The following FUT8 variants were observed in gnomAD, a reference collection of about 807,000 sequenced individuals.
FUT8 encodes the protein alpha-(1,6)-fucosyltransferase.
A neutral mutation model predicts 71.3 loss-of-function variants in FUT8; 29 were observed. The ratio of observed to expected loss-of-function variants is 0.41; its 90% CI spans 0.30 to 0.55. The LOEUF (loss-of-function observed/expected upper bound fraction) is 0.55, where lower values mean the gene tolerates loss of function less well. Ranked by LOEUF, FUT8 falls within the 20% of genes least tolerant of loss-of-function variation. The pLI, the probability that FUT8 is intolerant of heterozygous loss-of-function variation, is 0.34. For synonymous variants in FUT8, 254 were observed against 239.3 expected (o/e 1.06, Z -0.57); for missense variants, 544 against 702.1 (o/e 0.77, Z 2.55).
the FUT8 span, among the ~76,000 whole-genome samples, chr14:65,373,231 C>G: frequency 6.6e-6 from 1 of 151,558 alleles, no homozygotes; most frequent in African/African-American, 2.4e-5. Context: ...GAGGGCTCCA[C>G]CCTCAAGCTT....
At chr14:65,383,886 A>G in the FUT8 span, among the ~76,000 whole-genome samples, 1 of 151,344 alleles carries the variant, frequency 6.6e-6, no homozygotes, top group Non-Finnish European at 1.5e-5. Context: ...CCTAGGCCCA[A>G]AGGTCCCATG....
chr14:65,374,217 C>T, the FUT8 span, among the ~76,000 whole-genome samples: 1 of 152,140 alleles, frequency 6.6e-6, no homozygotes, highest in African/African-American at 2.4e-5. Context: ...AATTTCTTTG[C>T]TGAGTTTGTT....
At chr14:65,636,922 T>G (rs1890586450) in intron 6 of FUT8, among the ~76,000 whole-genome samples, 1 of 152,190 alleles carries the variant, frequency 6.6e-6, no homozygotes, top group South Asian at 2.1e-4. Context: ...ATTATAATAC[T>G]CGGATTGAAG....
At position 65,603,079 on chromosome 14, in the gene FUT8, T is replaced by G. The variant is rs1259048843; in HGVS notation, c.204-12899T>G. ...TAAGCCAATGTCTAGAAGGATTTTTTCCGATGTTATTTTCTAGATTTTTTT... is the reference window on the plus strand; with the variant it reads ...TAAGCCAATGTCTAGAAGGATTTTTGCCGATGTTATTTTCTAGATTTTTTT... On this transcript the variant is annotated intron_variant, in intron 3 of 10. Transcript: ENST00000673929. This position sits in a 1 kb window ranked among gnomAD's most constrained non-coding sequence, Gnocchi z 4.5. Among the ~76,000 whole-genome samples, 1 of 151,990 alleles carries G rather than the reference T, an allele frequency of 6.6e-6. No individual in the cohort carries two copies. The highest frequency in any genetic ancestry group is 1.5e-5 in the Non-Finnish European group (1 of 67,960).
intron 5 of FUT8, among the ~76,000 whole-genome samples, chr14:65,621,992 T>C (rs919706245): frequency 6.6e-6 from 1 of 151,932 alleles, no homozygotes; most frequent in Non-Finnish European, 1.5e-5. Context: ...CCTGGCTAAT[T>C]TTCATATTTT....
chr14:65,394,271 T>C, the FUT8 span, among the ~76,000 whole-genome samples: 126 of 152,142 alleles, frequency 8.3e-4, no homozygotes, highest in Non-Finnish European at 1.5e-3. Context: ...GGGTTTCCCC[T>C]TATAAAACCA....
chr14:65,489,014 A>T lies in FUT8; in HGVS notation c.-228+33296A>T, dbSNP rs556487081. ...ATAACTATGGAAAATATATTTGATT[A>T]GTTACATGAGGCTCTCATGGTAAAT... On this transcript the variant is annotated intron_variant, in intron 2 of 10. Coordinates refer to ENST00000673929, the MANE Select transcript of FUT8 (RefSeq NM_001371533.1). This position sits in a 1 kb window ranked among gnomAD's most constrained non-coding sequence, Gnocchi z 4.0. 6.1e-4 allele frequency among the ~76,000 whole-genome samples: 93 copies of T among 152,334 alleles called. No individual in the cohort carries two copies. Among genetic ancestry groups the T allele is most frequent in the African/African-American group, 2.1e-3 (87 of 41,578 alleles).
intron 3 of FUT8, among the ~76,000 whole-genome samples, chr14:65,562,860 T>A (rs1885986207): frequency 6.6e-6 from 1 of 152,068 alleles, no homozygotes; most frequent in Admixed American, 6.6e-5. Context: ...GAAGGAAGAA[T>A]GTAGTTGGCA....
At chr14:65,561,026 T>C (rs1290432204) in intron 2 of FUT8, among the ~76,000 whole-genome samples, 4 of 152,198 alleles carry the variant, frequency 2.6e-5, no homozygotes, top group South Asian at 2.1e-4. Flanking sequence ...TTCAAAGATA[T>C]AATTTTTAAG....
the FUT8 span, among the ~76,000 whole-genome samples, chr14:65,402,044 A>C: frequency 4.6e-5 from 7 of 152,116 alleles, no homozygotes; most frequent in East Asian, 1.3e-3. Context: ...CTCTGGGGTA[A>C]GTCTCAGTTC....
intron 6 of FUT8, among the ~76,000 whole-genome samples, chr14:65,635,462 T>A (rs1444929862): frequency 2.6e-5 from 4 of 152,232 alleles, no homozygotes; most frequent in Non-Finnish European, 5.9e-5. Flanking sequence ...TAGTATTATG[T>A]TGGCTGTGGG....
At chr14:65,528,555 C>G (rs1221422659) in intron 2 of FUT8, among the ~76,000 whole-genome samples, 1 of 152,152 alleles carries the variant, frequency 6.6e-6, no homozygotes, top group Non-Finnish European at 1.5e-5. Flanking sequence ...CACCCACTGT[C>G]CTGCATCCAC....
intron 6 of FUT8, chr14:65,646,004 A>C (rs1014708325): frequency 4.6e-5 from 7 of 152,298 alleles, no homozygotes; most frequent in African/African-American, 1.7e-4. Flanking sequence ...ACCCAACACT[A>C]ATACCGACGC....
chr14:65,507,139 C>T (rs150335714), intron 2 of FUT8, among the ~76,000 whole-genome samples: 2 of 152,304 alleles, frequency 1.3e-5, no homozygotes, highest in African/African-American at 4.8e-5. Context: ...CATGGCACAT[C>T]AAAGGTTAGT....
In FUT8 at chr14:65,636,519, T is replaced by A. The variant is rs141212650; in HGVS notation, c.597+6913T>A. On this transcript the variant is annotated intron_variant, in intron 6 of 10. Coordinates refer to ENST00000673929, the MANE Select transcript of FUT8 (RefSeq NM_001371533.1). ...TCCTCTTAGCACCACCTTTGCCATA[T>A]CCCAGAGGTTATGGTAGGATTTGTC... 1.6e-3 allele frequency: 238 copies of A among 152,320 alleles called. 2 individuals carry two copies. The highest frequency in any genetic ancestry group is 5.4e-3 in the African/African-American group (226 of 41,572). 9.4% of individuals were successfully genotyped at this position (152,320 alleles called of 1,614,324 possible). A position where few individuals can be genotyped will look rare whatever the true frequency, so the allele number is the denominator to read the frequency against.
intron 3 of FUT8, among the ~76,000 whole-genome samples, chr14:65,575,399 G>A (rs905507280): frequency 2.0e-5 from 3 of 152,048 alleles, no homozygotes; most frequent in African/African-American, 7.3e-5. Flanking sequence ...CAGTACATAT[G>A]TAATCTTTCA....
the FUT8 span, among the ~76,000 whole-genome samples, chr14:65,371,137 T>C: frequency 6.6e-6 from 1 of 152,216 alleles, no homozygotes; most frequent in African/African-American, 2.4e-5. Context: ...TTTTTCCATT[T>C]CTCAGTTGTC....
chr14:65,602,343 TCACACACACACACACACACACACA>T (rs1163052408), intron 3 of FUT8, among the ~76,000 whole-genome samples: 3 of 48,460 alleles, frequency 6.2e-5, no homozygotes, highest in East Asian at 1.2e-3. Context: ...GTTCCATCTC[TCACACACACACACACACACACACA>T]CACACACACA....
At chr14:65,618,051 A>ATATATATATATATATATG (rs1555376254) in intron 5 of FUT8, among the ~76,000 whole-genome samples, 2 of 84,298 alleles carry the variant, frequency 2.4e-5, no homozygotes, top group East Asian at 3.1e-4. Context: ...ATATATATAT[A>ATATATATATATATATATG]TATGTATGTA....
Sources: allele counts gnomAD v4.1 joint callset (sites outside exome capture counted in the v4.1 genomes callset), GRCh38; gene constraint gnomAD v4.1.1; non-coding constraint Gnocchi (gnomAD v3.1); transcripts MANE v1.5; gene names NCBI Gene and HGNC (gene_info 2026-07-23, HGNC 2026-07-21).